The following LARP4B variants were observed in gnomAD, a reference collection of about 807,000 sequenced individuals.
LARP4B encodes the protein la-related protein 4B.
A neutral mutation model predicts 89.8 loss-of-function variants in LARP4B; 12 were observed. The ratio of observed to expected loss-of-function variants is 0.13; its 90% CI spans 0.09 to 0.22. The LOEUF is 0.22. LARP4B is among the 10% of genes least tolerant of loss of function. The pLI is 1.00. For missense variants in LARP4B, 757 were observed against 947.7 expected (o/e 0.80, Z 2.64); for synonymous variants, 367 against 363.3 (o/e 1.01, Z -0.12).
chr10:815,991 G>A (rs190248949), intron 15 of LARP4B, among the ~76,000 whole-genome samples: 28 of 152,366 alleles, frequency 1.8e-4, no homozygotes, highest in African/African-American at 6.0e-4. Flanking sequence ...CATTTTGGGA[G>A]GCTGAGGTGG....
At chr10:869,693 C>A (rs1835095773) in intron 3 of LARP4B, among the ~76,000 whole-genome samples, 1 of 151,850 alleles carries the variant, frequency 6.6e-6, no homozygotes, top group African/African-American at 2.4e-5. Flanking sequence ...TCAAAACCGG[C>A]CTGGCCAACA....
chr10:928,660 C>G lies in LARP4B; in HGVS notation c.-40+2768G>C, dbSNP rs1028350725. Among the ~76,000 whole-genome samples, 176 of 152,262 alleles carry G rather than the reference C, an allele frequency of 1.2e-3. 1 individual carries two copies. Among genetic ancestry groups the G allele is most frequent in the Non-Finnish European group, 1.6e-4 (11 of 68,010 alleles). ...GCAGTGGCAGGATCATGGCTCACTG[C>G]AGCCTCAACCTCCCAAGCTCAAGCG... On this transcript the variant is annotated intron_variant, in intron 1 of 17. Transcript: ENST00000316157.
At chr10:882,339 C>T (rs1835703371) in intron 3 of LARP4B, among the ~76,000 whole-genome samples, 1 of 151,054 alleles carries the variant, frequency 6.6e-6, no homozygotes, top group Non-Finnish European at 1.5e-5. Flanking sequence ...GTAATTCTGA[C>T]AATCATGTCA....
At chr10:987,105 A>G in the LARP4B span, 2 of 151,352 alleles carry the variant, frequency 1.3e-5, no homozygotes, top group African/African-American at 4.8e-5. Flanking sequence ...AGAAAGGGCA[A>G]TAAGTATGAG....
chr10:905,204 T>C (rs1053853435), intron 1 of LARP4B, among the ~76,000 whole-genome samples: 2 of 152,230 alleles, frequency 1.3e-5, no homozygotes, highest in South Asian at 4.1e-4. Context: ...AAGTTATTAA[T>C]ACAGCCCTGG....
intron 1 of LARP4B, among the ~76,000 whole-genome samples, chr10:898,910 G>A (rs530597450): frequency 1.3e-5 from 2 of 152,274 alleles, no homozygotes; most frequent in South Asian, 4.1e-4. Context: ...TGTGCCTGGA[G>A]ATCATTTAAC....
At position 813,048 on chromosome 10, in the gene LARP4B, G is replaced by C. The variant is rs1831831775; in HGVS notation, c.2095C>G (p.Leu699Val). 19 of 1,613,914 alleles carry C rather than the reference G, an allele frequency of 1.2e-5. No homozygotes were observed. The highest frequency in any genetic ancestry group is 1.6e-5 in the Non-Finnish European group (19 of 1,180,032). The change falls in exon 18 of 18, where the codon CTC becomes GTC. Residue 699 changes from leucine (L) to valine (V), a missense_variant. Physicochemically the swap from Leu to Val is conservative, Grantham distance 32. Coordinates refer to ENST00000316157, the MANE Select transcript of LARP4B (RefSeq NM_015155.3). ...PAERYREPPA[L>V]KSTPGAPRDQ... ...CTGGGGGCTCCAGGTGTGGACTTGA[G>C]GGCTGGGGGCTCCCGGTATCTCTCT...
chr10:961,952 T>A, the LARP4B span, among the ~76,000 whole-genome samples: 1 of 152,118 alleles, frequency 6.6e-6, no homozygotes, highest in Non-Finnish European at 1.5e-5. Flanking sequence ...CTTCCTTTCA[T>A]CTTCCCTCTG....
intron 1 of LARP4B, among the ~76,000 whole-genome samples, chr10:890,801 G>GAGT (rs1397316670): frequency 1.3e-5 from 2 of 152,078 alleles, no homozygotes; most frequent in African/African-American, 4.8e-5. Context: ...CACACGAGGG[G>GAGT]AGTAGCTCCC....
At chr10:922,603 G>C (rs1203267527) in intron 1 of LARP4B, among the ~76,000 whole-genome samples, 1 of 151,916 alleles carries the variant, frequency 6.6e-6, no homozygotes, top group Non-Finnish European at 1.5e-5. Flanking sequence ...GAAATTGGAG[G>C]CTGCAGTGAG....
At chr10:931,713 C>CG (rs1338229373), upstream of LARP4B, 1 of 151,396 alleles carries the variant, frequency 6.6e-6, no homozygotes, top group Non-Finnish European at 1.5e-5. Context: ...CTCCCACTTC[C>CG]GGGGCCCTGC....
chr10:950,196 T>C, the LARP4B span, among the ~76,000 whole-genome samples: 1 of 152,372 alleles, frequency 6.6e-6, no homozygotes, highest in South Asian at 2.1e-4. Context: ...TAGCTTGTCT[T>C]TTCATCTTCT....
chr10:921,817 A>G (rs1475208792), intron 1 of LARP4B, among the ~76,000 whole-genome samples: 1 of 152,256 alleles, frequency 6.6e-6, no homozygotes, highest in Non-Finnish European at 1.5e-5. Flanking sequence ...AGAAGAGATT[A>G]AATTCATCGG....
At chr10:949,706 G>C in the LARP4B span, among the ~76,000 whole-genome samples, 1 of 152,242 alleles carries the variant, frequency 6.6e-6, no homozygotes, top group African/African-American at 2.4e-5. Context: ...TATGTTCGGT[G>C]TCATTCTCTC....
chr10:839,574 CAG>C (rs1315361252), intron 7 of LARP4B, among the ~76,000 whole-genome samples: 1 of 152,184 alleles, frequency 6.6e-6, no homozygotes, highest in Non-Finnish European at 1.5e-5. Flanking sequence ...ATTAGAGAAA[CAG>C]ATGTTAAAGC....
At chr10:861,673 T>TG (rs1834624108) in intron 5 of LARP4B, among the ~76,000 whole-genome samples, 1 of 152,188 alleles carries the variant, frequency 6.6e-6, no homozygotes, top group African/African-American at 2.4e-5. Flanking sequence ...ATCTATCTCC[T>TG]GTCTTCAGGC....
chr10:931,172 C>G (rs910755503), intron 1 of LARP4B, among the ~76,000 whole-genome samples: 3 of 149,792 alleles, frequency 2.0e-5, no homozygotes, highest in African/African-American at 7.3e-5. Flanking sequence ...TGCCCCGGCC[C>G]CGGTCCTCCT....
At chr10:825,382 C>A in intron 12 of LARP4B, 66 bp from the exon 13 acceptor site, 1 of 1,499,444 alleles carries the variant, frequency 6.7e-7, no homozygotes, top group Admixed American at 1.7e-5. Context: ...AACATGCATA[C>A]TGACATGGAA....
chr10:958,625 C>G, the LARP4B span, among the ~76,000 whole-genome samples: 5 of 152,214 alleles, frequency 3.3e-5, no homozygotes, highest in African/African-American at 1.2e-4. Context: ...AAACATCCTT[C>G]TTTGTTAGCA....
Sources: gnomAD v4.1 joint callset for allele counts (sites outside exome capture counted in the v4.1 genomes callset) on GRCh38, gnomAD v4.1.1 for gene constraint, MANE v1.5 for transcripts, NCBI Gene and HGNC (gene_info 2026-07-23, HGNC 2026-07-21) for gene names.